The following LGR6 variants were observed in gnomAD, a reference collection of about 807,000 sequenced individuals.
The protein encoded by LGR6 is leucine rich repeat containing G protein-coupled receptor 6, also known as leucine-rich repeat-containing G protein-coupled receptor 6.
Under a neutral mutation model 69.4 loss-of-function variants are expected in LGR6, and 45 were observed. The ratio of observed to expected loss-of-function variants is 0.65; its 90% confidence interval spans 0.51 to 0.83. The LOEUF (loss-of-function observed/expected upper bound fraction) is 0.83. LGR6 is among the 40% of genes least tolerant of loss of function. The pLI is 0.00. For synonymous variants in LGR6, 538 were observed against 555.0 expected (o/e 0.97, Z 0.43); for missense variants, 1,108 against 1,246.7 (o/e 0.89, Z 1.68).
rs374022218 is a variant in LGR6 at position 202,235,918 on chromosome 1, G to A, written c.357-4G>A. On this transcript the variant is annotated splice_polypyrimidine_tract_variant and splice_region_variant and intron_variant, in intron 3 of 17. Coordinates refer to ENST00000367278, the MANE Select transcript of LGR6 (RefSeq NM_001017403.2). ...TCCTTAAAGCCCTTTCTCTTCTCCCGTAGGATGCTGCAGAACAATCAGCTG... is the reference window on the plus strand; with the variant it reads ...TCCTTAAAGCCCTTTCTCTTCTCCCATAGGATGCTGCAGAACAATCAGCTG... The A allele has an allele frequency of 1.4e-5, 22 of 1,613,758 alleles. No individual in the cohort carries two copies. Among genetic ancestry groups the A allele is most frequent in the African/African-American group, 5.3e-5 (4 of 74,910 alleles).
chr1:202,245,674 G>A (rs972374919), intron 4 of LGR6, among the ~76,000 whole-genome samples: 9 of 152,162 alleles, frequency 5.9e-5, no homozygotes, highest in South Asian at 2.1e-4. Flanking sequence ...CGGGTGTTGC[G>A]AACTGATAGC....
At chr1:202,299,862 A>T (rs551184939) in intron 7 of LGR6, among the ~76,000 whole-genome samples, 2 of 152,226 alleles carry the variant, frequency 1.3e-5, no homozygotes, top group African/African-American at 4.8e-5. Flanking sequence ...CGCACAGGTT[A>T]TGTACTTTTC....
At chr1:202,206,889 TTTTATTTATTTATTTATTTATTTA>T (rs139647235) in intron 1 of LGR6, among the ~76,000 whole-genome samples, 4 of 141,274 alleles carry the variant, frequency 2.8e-5, no homozygotes, top group East Asian at 2.1e-4. Context: ...CTGCAAATTA[TTTTATTTATTTATTTATTTATTTA>T]TTTATTTATT....
intron 4 of LGR6, among the ~76,000 whole-genome samples, chr1:202,270,278 C>T (rs1442060278): frequency 5.3e-5 from 8 of 150,346 alleles, no homozygotes; most frequent in East Asian, 2.0e-4. Flanking sequence ...GTTTTGCTCT[C>T]GTTGCCCAGG....
intron 4 of LGR6, among the ~76,000 whole-genome samples, chr1:202,261,254 C>T (rs982767891): frequency 7.5e-6 from 1 of 132,772 alleles, no homozygotes; most frequent in Non-Finnish European, 1.6e-5. Context: ...CCACAACAGT[C>T]CCCAGAGTGT....
At chr1:202,263,545 C>T (rs542876042) in intron 4 of LGR6, among the ~76,000 whole-genome samples, 1 of 152,184 alleles carries the variant, frequency 6.6e-6, no homozygotes, top group East Asian at 1.9e-4. Flanking sequence ...TGATTTGTTC[C>T]TTCATTTCCT....
intron 14 of LGR6, among the ~76,000 whole-genome samples, chr1:202,307,623 C>A (rs1653348632): frequency 6.6e-6 from 1 of 152,212 alleles, no homozygotes; most frequent in Non-Finnish European, 1.5e-5. Context: ...TGCTAATGTT[C>A]TGCAGTATTT....
intron 1 of LGR6, among the ~76,000 whole-genome samples, chr1:202,216,257 TTACTTACCATGTGC>T (rs1418431030): frequency 4.6e-5 from 7 of 152,238 alleles, no homozygotes; most frequent in Non-Finnish European, 1.0e-4. Flanking sequence ...CATTTGTTGG[TTACTTACCATGTGC>T]TAGGCACTGC....
At position 202,276,321 on chromosome 1, in the gene LGR6, C is replaced by T. The variant is rs373512868; in HGVS notation, c.444C>T (p.Asn148=). The change falls in exon 5 of 18, where the codon AAC becomes AAT. Residue 148 remains asparagine (N), a synonymous_variant. Coordinates refer to ENST00000367278, the MANE Select transcript of LGR6 (RefSeq NM_001017403.2). ...CTTCCACCAGGCGCCTAGATGCCAACCTCATCTCCCTGGTCCCGGAGAGGA... is the reference window on the plus strand; with the variant it reads ...CTTCCACCAGGCGCCTAGATGCCAATCTCATCTCCCTGGTCCCGGAGAGGA... ...PSLQSLRLDA[N]LISLVPERSF... 53 of 1,613,714 alleles carry T rather than the reference C, an allele frequency of 3.3e-5. No homozygotes were observed. The highest frequency in any genetic ancestry group is 4.4e-5 in the Non-Finnish European group (52 of 1,179,774).
At chr1:202,205,609 C>T (rs1444300446) in intron 1 of LGR6, among the ~76,000 whole-genome samples, 1 of 148,628 alleles carries the variant, frequency 6.7e-6, no homozygotes, top group African/African-American at 2.5e-5. Context: ...TACACACACA[C>T]CTCCTTCACA....
intron 6 of LGR6, among the ~76,000 whole-genome samples, chr1:202,285,553 G>T (rs1666331394): frequency 1.3e-5 from 2 of 152,206 alleles, no homozygotes; most frequent in Admixed American, 1.3e-4. Context: ...CGCATTAAAT[G>T]AGATGACTTC....
At chr1:202,279,661 G>A (rs925614132) in intron 5 of LGR6, among the ~76,000 whole-genome samples, 1 of 152,006 alleles carries the variant, frequency 6.6e-6, no homozygotes, top group Non-Finnish European at 1.5e-5. Context: ...CTCATTTTTG[G>A]ATTCTCTGCT....
intron 3 of LGR6, among the ~76,000 whole-genome samples, chr1:202,232,688 A>G (rs1054747440): frequency 8.5e-5 from 13 of 152,154 alleles, no homozygotes; most frequent in African/African-American, 2.7e-4. Context: ...TTGTCTGTTG[A>G]TTCTGATGTA....
chr1:202,301,080 TAGG>T, intron 8 of LGR6, 81 bp from the exon 9 acceptor site: 2 of 1,408,158 alleles, frequency 1.4e-6, no homozygotes, highest in Admixed American at 3.4e-5. Flanking sequence ...TCTACATTGA[TAGG>T]AGAAGAAAGC....
At chr1:202,281,281 AGAGT>A (rs1403023838) in intron 6 of LGR6, among the ~76,000 whole-genome samples, 1 of 152,180 alleles carries the variant, frequency 6.6e-6, no homozygotes, top group Non-Finnish European at 1.5e-5. Flanking sequence ...GACAGAAGGA[AGAGT>A]AATACTGCAG....
At chr1:202,209,394 G>A (rs138915916) in intron 1 of LGR6, among the ~76,000 whole-genome samples, 40 of 152,266 alleles carry the variant, frequency 2.6e-4, no homozygotes, top group African/African-American at 6.7e-4. Context: ...CAGCCTGCCC[G>A]CCCCACAGTG....
intron 4 of LGR6, among the ~76,000 whole-genome samples, chr1:202,246,558 C>T (rs779870852): frequency 4.0e-5 from 6 of 151,126 alleles, no homozygotes; most frequent in Non-Finnish European, 7.4e-5. Flanking sequence ...AAGGGCCCTG[C>T]CTTTTCAGCA....
intron 3 of LGR6, among the ~76,000 whole-genome samples, chr1:202,233,082 A>G (rs995488863): frequency 2.6e-5 from 4 of 152,222 alleles, no homozygotes; most frequent in Non-Finnish European, 4.4e-5. Flanking sequence ...TCTGATAATC[A>G]GGCTGTCTGG....
At chr1:202,302,097 CAGG>C (rs1667645215) in intron 9 of LGR6, among the ~76,000 whole-genome samples, 1 of 152,154 alleles carries the variant, frequency 6.6e-6, no homozygotes, top group Admixed American at 6.5e-5. Flanking sequence ...GAGACTGAGG[CAGG>C]AGAATTGCTT....
Sources: gnomAD v4.1 joint callset for allele counts (sites outside exome capture counted in the v4.1 genomes callset) on GRCh38, gnomAD v4.1.1 for gene constraint, MANE v1.5 for transcripts, NCBI Gene and HGNC (gene_info 2026-07-23, HGNC 2026-07-21) for gene names.